The following LDAH variants were observed in gnomAD, a reference collection of about 807,000 sequenced individuals.
LDAH encodes lipid droplet-associated hydrolase.
A neutral mutation model predicts 29.6 loss-of-function variants in LDAH; 26 were observed. The ratio of observed to expected loss-of-function variants is 0.88; its 90% confidence interval spans 0.64 to 1.22. The LOEUF (loss-of-function observed/expected upper bound fraction) is 1.22, where lower values mean the gene tolerates loss of function less well. LDAH is among the 50% of genes most tolerant of loss of function. The probability of loss-of-function intolerance (pLI) is 0.00; values close to 1 mark genes in which losing one functional copy is unlikely to be tolerated. For missense variants in LDAH, 344 were observed against 387.3 expected (o/e 0.89, Z 0.94); for synonymous variants, 117 against 133.0 (o/e 0.88, Z 0.83).
intron 1 of LDAH, among the ~76,000 whole-genome samples, chr2:20,811,484 GTTT>G (rs11321857): frequency 2.1e-5 from 3 of 144,768 alleles, no homozygotes; most frequent in African/African-American, 4.9e-5. Context: ...GATTAAACTA[GTTT>G]TTTTTTTTTG....
chr2:20,690,563 T>G (rs1469372466), intron 6 of LDAH, among the ~76,000 whole-genome samples: 1 of 152,250 alleles, frequency 6.6e-6, no homozygotes, highest in Non-Finnish European at 1.5e-5. Context: ...TGCCTTTACA[T>G]ACACTGGCTT....
At chr2:20,746,782 T>C (rs1348061820) in intron 4 of LDAH, among the ~76,000 whole-genome samples, 2 of 152,136 alleles carry the variant, frequency 1.3e-5, no homozygotes, top group African/African-American at 2.4e-5. Context: ...CATTTTCTTA[T>C]GTTACTATCT....
chr2:20,798,642 A>T (rs1671468005), intron 2 of LDAH, among the ~76,000 whole-genome samples: 1 of 150,768 alleles, frequency 6.6e-6, no homozygotes, highest in South Asian at 2.1e-4. Context: ...ATATTGACCT[A>T]ACAAAAAACT....
chr2:20,822,027 G>T (rs995525765), intron 1 of LDAH, among the ~76,000 whole-genome samples: 4 of 152,110 alleles, frequency 2.6e-5, no homozygotes, highest in Non-Finnish European at 5.9e-5. Context: ...AACAGCTTTT[G>T]AGAATAAACA....
intron 6 of LDAH, among the ~76,000 whole-genome samples, chr2:20,700,754 T>C (rs753791725): frequency 8.5e-5 from 13 of 152,238 alleles, no homozygotes; most frequent in Non-Finnish European, 1.6e-4. Context: ...TAATATGTTT[T>C]ACTTAATCCA....
chr2:20,711,270 C>A (rs911975868), intron 5 of LDAH, among the ~76,000 whole-genome samples: 2 of 151,876 alleles, frequency 1.3e-5, no homozygotes, highest in African/African-American at 4.8e-5. Context: ...CGCCTGTAGT[C>A]CCAGCTACTC....
intron 1 of LDAH, among the ~76,000 whole-genome samples, chr2:20,803,941 T>C (rs577629040): frequency 1.1e-4 from 16 of 152,322 alleles, no homozygotes; most frequent in African/African-American, 3.8e-4. Flanking sequence ...ATATCTCTCA[T>C]GTGTCTGTGC....
At chr2:20,719,261 T>A (rs1572470521) in intron 5 of LDAH, among the ~76,000 whole-genome samples, 1 of 133,652 alleles carries the variant, frequency 7.5e-6, no homozygotes, top group Non-Finnish European at 1.6e-5. Flanking sequence ...AATACCAACA[T>A]GCTGGAAAAC....
chr2:20,812,779 T>C (rs923930569), intron 1 of LDAH, among the ~76,000 whole-genome samples: 12 of 152,140 alleles, frequency 7.9e-5, no homozygotes, highest in African/African-American at 2.9e-4. Flanking sequence ...AAAATAGATA[T>C]TAACAAATGT....
Position 20,774,959 on chromosome 2 carries a change from T to C in LDAH, c.319A>G (p.Lys107Glu), listed in dbSNP as rs1432947689. The C allele has an allele frequency of 3.1e-6, 5 of 1,595,646 alleles. No homozygotes were observed. The highest frequency in any genetic ancestry group is 4.5e-5 in the East Asian group (2 of 44,416). ...TSEDSNAQEI[K>E]DIYGLNGQIE... ...TGTCCATTTAGTCCATAAATGTCCTTAATTTCTTGAGCGTTTGAATCTAAA... is the reference window on the plus strand; with the variant it reads ...TGTCCATTTAGTCCATAAATGTCCTCAATTTCTTGAGCGTTTGAATCTAAA... The change falls in exon 4 of 7, where the codon AAG becomes GAG. Residue 107 changes from lysine (K) to glutamate (E), a missense_variant. Coordinates refer to ENST00000237822, the MANE Select transcript of LDAH (RefSeq NM_021925.4).
At chr2:20,693,565 G>A (rs1008542082) in intron 6 of LDAH, among the ~76,000 whole-genome samples, 4 of 152,014 alleles carry the variant, frequency 2.6e-5, no homozygotes, top group African/African-American at 9.7e-5. Flanking sequence ...TCCTCAAGCC[G>A]CCACTAACAG....
chr2:20,751,201 A>G (rs1221565892), intron 4 of LDAH, among the ~76,000 whole-genome samples: 1 of 152,204 alleles, frequency 6.6e-6, no homozygotes, highest in Non-Finnish European at 1.5e-5. Flanking sequence ...AATATTCTCA[A>G]TTAAGTTCCA....
intron 5 of LDAH, among the ~76,000 whole-genome samples, chr2:20,737,365 C>T (rs2149435869): frequency 6.6e-6 from 1 of 152,088 alleles, no homozygotes; most frequent in Admixed American, 6.5e-5. Context: ...AAATGGAATC[C>T]ATAACTGAAG....
At chr2:20,692,529 C>T (rs1663106571) in intron 6 of LDAH, among the ~76,000 whole-genome samples, 1 of 152,170 alleles carries the variant, frequency 6.6e-6, no homozygotes, top group Admixed American at 6.5e-5. Flanking sequence ...TTCAATAGGA[C>T]AGTAGGACTA....
chr2:20,755,987 ACCCACT>A (rs1668313635), intron 4 of LDAH, among the ~76,000 whole-genome samples: 1 of 152,024 alleles, frequency 6.6e-6, no homozygotes, highest in African/African-American at 2.4e-5. Context: ...AGCTGACCAA[ACCCACT>A]CCCATACAAA....
At position 20,732,594 on chromosome 2, in the gene LDAH, A is replaced by C. The variant is rs562363162; in HGVS notation, c.703+7377T>G. Reference sequence around the variant, plus strand: ...TAAGGCTCTTCAAATGGTCTATTTCATCTTGGATGAATTGTGGTAGTGTGT... The same window carrying C: ...TAAGGCTCTTCAAATGGTCTATTTCCTCTTGGATGAATTGTGGTAGTGTGT... On this transcript the variant is annotated intron_variant, in intron 5 of 6. Transcript: ENST00000237822. Among the ~76,000 whole-genome samples, 3 of 152,338 alleles carry C rather than the reference A, an allele frequency of 2.0e-5. No homozygotes were observed. In the South Asian group the frequency reaches 6.2e-4, roughly 32 times the overall value.
chr2:20,818,928 TTC>T (rs1673051497), intron 1 of LDAH, among the ~76,000 whole-genome samples: 1 of 152,158 alleles, frequency 6.6e-6, no homozygotes, highest in African/African-American at 2.4e-5. Flanking sequence ...TTCACAATTC[TTC>T]TTTTAATGAC....
chr2:20,758,827 TAA>T (rs1668493711), intron 4 of LDAH, among the ~76,000 whole-genome samples: 1 of 152,096 alleles, frequency 6.6e-6, no homozygotes, highest in South Asian at 2.1e-4. Context: ...TGAGAAATTA[TAA>T]AGTCAGGATG....
At chr2:20,818,330 A>G (rs72784381) in intron 1 of LDAH, among the ~76,000 whole-genome samples, 3,562 of 152,242 alleles carry the variant, frequency 0.023, 67 homozygotes, top group Non-Finnish European at 0.034. Flanking sequence ...TGCAACTGGT[A>G]TAATAAGTGG....
Sources: allele counts gnomAD v4.1 joint callset (sites outside exome capture counted in the v4.1 genomes callset), GRCh38; gene constraint gnomAD v4.1.1; transcripts MANE v1.5; gene names NCBI Gene and HGNC (gene_info 2026-07-23, HGNC 2026-07-21).